Variants in PCGF2 observed in about 807,000 individuals in gnomAD.
The protein encoded by PCGF2 is polycomb group ring finger 2.
A neutral mutation model predicts 36.1 loss-of-function variants in PCGF2; 8 were observed. That is an observed-to-expected ratio of 0.22 (90% CI 0.13 to 0.40). The LOEUF is 0.40. Among genes scored for constraint, PCGF2 ranks in the 10% least tolerant of loss-of-function variants. PCGF2 has a pLI of 1.00. For missense variants in PCGF2, 436 were observed against 475.9 expected (o/e 0.92, Z 0.78); for synonymous variants, 198 against 191.2 (o/e 1.04, Z -0.29).
At position 38,739,787 on chromosome 17, in the gene PCGF2, G is replaced by T; in HGVS notation, c.113-105C>A. 1.2e-6 allele frequency: 1 copy of T among 835,742 alleles called. No individual in the cohort carries two copies. Among genetic ancestry groups the T allele is most frequent in the South Asian group, 1.4e-5 (1 of 73,278 alleles). The allele number at this position is 835,742 out of a possible 1,614,324, so 51.8% of individuals were successfully genotyped here. A position where few individuals can be genotyped will look rare whatever the true frequency, so the allele number is the denominator to read the frequency against. ...TCAGATATCCCTCCTCCTCCACCCT[G>T]TCCCTGCTCCGAGGCCCAATGTGGC... On this transcript the variant is annotated intron_variant, in intron 3 of 10. Coordinates refer to ENST00000620225, the MANE Select transcript of PCGF2 (RefSeq NM_007144.3). This position sits in a 1 kb window ranked among gnomAD's most constrained non-coding sequence, Gnocchi z 4.0.
At position 38,735,454 on chromosome 17, in the gene PCGF2, G is replaced by T. The variant is rs1311312439; in HGVS notation, c.804C>A (p.Thr268=). The change falls in exon 11 of 11, where the codon ACC becomes ACA. Residue 268 remains threonine (T), a synonymous_variant. Transcript: ENST00000620225. ...SVSDKAPSPA[T]LPATSSSLPS... ...GCAGGGAGGAGGAGGTGGCTGGCAGGGTGGCAGGGCTGGGAGCCTTGTCGC... is the reference window on the plus strand; with the variant it reads ...GCAGGGAGGAGGAGGTGGCTGGCAGTGTGGCAGGGCTGGGAGCCTTGTCGC... 1.3e-6 allele frequency: 2 copies of T among 1,588,552 alleles called. No individual in the cohort carries two copies. The highest frequency in any genetic ancestry group is 2.3e-5 in the East Asian group (1 of 43,560).
At position 38,740,360 on chromosome 17, in the gene PCGF2, G is replaced by A; in HGVS notation, c.43C>T (p.His15Tyr). ...TRIKITELNP[H>Y]LMCALCGGYF... Reference sequence around the variant, plus strand: ...CCCCCGCAGAGGGCACACATGAGGTGGGGGTTCAGCTCTGTGATTTTGATC... The same window carrying A: ...CCCCCGCAGAGGGCACACATGAGGTAGGGGTTCAGCTCTGTGATTTTGATC... Residue 15 changes from histidine (H) to tyrosine (Y), a missense_variant, in exon 3 of 11, where the codon CAC becomes TAC. This residue lies in a region of PCGF2 where 189 missense variants were observed against 219.3 expected (regional missense o/e 0.86). Coordinates refer to ENST00000620225, the MANE Select transcript of PCGF2 (RefSeq NM_007144.3). 6.2e-7 allele frequency: 1 copy of A among 1,610,764 alleles called. No homozygotes were observed. Among genetic ancestry groups the A allele is most frequent in the Admixed American group, 1.7e-5 (1 of 59,942 alleles).
chr17:38,743,033 C>A (rs1375737239), intron 2 of PCGF2, among the ~76,000 whole-genome samples: 1 of 152,052 alleles, frequency 6.6e-6, no homozygotes, highest in Non-Finnish European at 1.5e-5. Flanking sequence ...CCGCACACTT[C>A]ACATCGTGCC....
rs1907023266 is a variant in PCGF2 at position 38,739,448 on chromosome 17, G to C, written c.209+138C>G. On this transcript the variant is annotated intron_variant, in intron 4 of 10. Coordinates refer to ENST00000620225, the MANE Select transcript of PCGF2 (RefSeq NM_007144.3). The surrounding 1 kb of genome is among the most constrained non-coding windows in gnomAD (Gnocchi z 4.0). ...GTGATGAGCCAAATGTAACCCCAAG[G>C]TCGGGGAGTAGCCCAGGTCCACACC... 3 of 881,574 alleles carry C rather than the reference G, an allele frequency of 3.4e-6. No individual in the cohort carries two copies. The highest frequency in any genetic ancestry group is 5.6e-6 in the Non-Finnish European group (3 of 532,968). 54.6% of individuals were successfully genotyped at this position (881,574 alleles called of 1,614,324 possible). A position where few individuals can be genotyped will look rare whatever the true frequency, so the allele number is the denominator to read the frequency against.
chr17:38,748,687 T>G (rs1249983240), upstream of PCGF2, among the ~76,000 whole-genome samples: 2 of 151,968 alleles, frequency 1.3e-5, no homozygotes, highest in Non-Finnish European at 2.9e-5. Flanking sequence ...GTGATGCCCA[T>G]CCCTAACTGG....
chr17:38,742,415 A>G (rs920374186), intron 2 of PCGF2, among the ~76,000 whole-genome samples: 3 of 152,230 alleles, frequency 2.0e-5, no homozygotes, highest in African/African-American at 7.2e-5. Context: ...CAGACAGCCA[A>G]CAGAGGCTCA....
chr17:38,735,688 C>T lies in PCGF2; in HGVS notation c.658-88G>A, dbSNP rs548302805. On this transcript the variant is annotated intron_variant, in intron 10 of 10. Transcript: ENST00000620225. ...CTAAAGGGCCACCATCTCCACCCCA[C>T]AGTGTCCAAACTCGAAAAAAGGGAT... is the stretch of plus-strand genomic sequence containing the variant. 31 of 1,443,728 alleles carry T rather than the reference C, an allele frequency of 2.1e-5. No individual in the cohort carries two copies. The African/African-American group carries it at 4.3e-4, about 20-fold the overall frequency. The allele number at this position is 1,443,728 out of a possible 1,614,324, so 89.4% of individuals were successfully genotyped here. A position where few individuals can be genotyped will look rare whatever the true frequency, so the allele number is the denominator to read the frequency against.
At position 38,740,281 on chromosome 17, in the gene PCGF2, C is replaced by A; in HGVS notation, c.112+10G>T. The A allele has an allele frequency of 6.2e-7, 1 of 1,611,118 alleles. No homozygotes were observed. Among genetic ancestry groups the A allele is most frequent in the Non-Finnish European group, 8.5e-7 (1 of 1,177,454 alleles). On this transcript the variant is annotated intron_variant, in intron 3 of 10. Transcript: ENST00000620225. ...GCCCACCCTGAGCAGCTCCCCTCCC[C>A]CCAACTCACAGGAATGCAGGCACTC...
chr17:38,741,731 G>T (rs892236787), intron 2 of PCGF2, among the ~76,000 whole-genome samples: 1 of 152,140 alleles, frequency 6.6e-6, no homozygotes, highest in Non-Finnish European at 1.5e-5. Flanking sequence ...GAACAGAGAG[G>T]GTCCTTACAT....
chr17:38,745,204 C>T (rs548005567), intron 2 of PCGF2, among the ~76,000 whole-genome samples: 26 of 152,318 alleles, frequency 1.7e-4, no homozygotes, highest in African/African-American at 5.8e-4. Flanking sequence ...TGGTGGCACG[C>T]GCCTCTAGTC....
chr17:38,739,347 C>A lies in PCGF2; in HGVS notation c.210-94G>T. 1.7e-6 allele frequency: 2 copies of A among 1,189,124 alleles called. No individual in the cohort carries two copies. The highest frequency in any genetic ancestry group is 1.5e-5 in the African/African-American group (1 of 66,674). The allele number at this position is 1,189,124 out of a possible 1,614,324, so 73.7% of individuals were successfully genotyped here. ...CCAGCCAGGGTACCCCTCTTCCCACCCCCTTCCTGAGACCGGTGCCCAGGC... is the reference window on the plus strand; with the variant it reads ...CCAGCCAGGGTACCCCTCTTCCCACACCCTTCCTGAGACCGGTGCCCAGGC... On this transcript the variant is annotated intron_variant, in intron 4 of 10. Coordinates refer to ENST00000620225, the MANE Select transcript of PCGF2 (RefSeq NM_007144.3). This position sits in a 1 kb window ranked among gnomAD's most constrained non-coding sequence, Gnocchi z 4.0.
At chr17:38,747,568 G>A (rs995053128) in intron 2 of PCGF2, among the ~76,000 whole-genome samples, 3 of 152,030 alleles carry the variant, frequency 2.0e-5, no homozygotes, top group South Asian at 2.1e-4. Context: ...CGGGGAGGGG[G>A]CGGGGCGCCG....
intron 2 of PCGF2, among the ~76,000 whole-genome samples, chr17:38,744,675 A>C (rs1193405027): frequency 6.6e-6 from 1 of 152,006 alleles, no homozygotes; most frequent in Admixed American, 6.6e-5. Context: ...CATTTTAACC[A>C]GTGTCTTTCT....
At chr17:38,744,358 T>TC (rs1907406496) in intron 2 of PCGF2, among the ~76,000 whole-genome samples, 2 of 149,492 alleles carry the variant, frequency 1.3e-5, no homozygotes, top group Admixed American at 6.7e-5. Flanking sequence ...TCTCTCTCTC[T>TC]TTTTTTTTTC....
At chr17:38,747,531 C>T (rs1907612597) in intron 2 of PCGF2, among the ~76,000 whole-genome samples, 1 of 151,554 alleles carries the variant, frequency 6.6e-6, no homozygotes, top group Admixed American at 6.6e-5. Context: ...GAGGGGTGTT[C>T]CGGAGGGAGG....
At chr17:38,736,641 T>A (rs1272211997) in intron 9 of PCGF2, among the ~76,000 whole-genome samples, 1 of 151,996 alleles carries the variant, frequency 6.6e-6, no homozygotes, top group Non-Finnish European at 1.5e-5. Flanking sequence ...GAGACCATCC[T>A]GGCTAACGTG....
intron 2 of PCGF2, among the ~76,000 whole-genome samples, chr17:38,742,224 G>A (rs913394772): frequency 2.3e-4 from 35 of 152,114 alleles, no homozygotes; most frequent in African/African-American, 8.0e-4. Context: ...CAGAGTAAAA[G>A]CCCAGGGGTG....
At chr17:38,736,599 C>T (rs960305034) in intron 9 of PCGF2, among the ~76,000 whole-genome samples, 1 of 152,144 alleles carries the variant, frequency 6.6e-6, no homozygotes, top group Non-Finnish European at 1.5e-5. Flanking sequence ...CTTTGGGAGG[C>T]CAAGGCGGGC....
At position 38,735,313 on chromosome 17, in the gene PCGF2, C is replaced by G. The variant is rs149121439; in HGVS notation, c.945G>C (p.Gly315=). The G allele has an allele frequency of 3.3e-6, 5 of 1,533,402 alleles. No individual in the cohort carries two copies. In the Admixed American group the frequency reaches 7.6e-5, roughly 23 times the overall value. 95.0% of individuals were successfully genotyped at this position (1,533,402 alleles called of 1,614,324 possible). The change falls in exon 11 of 11, where the codon GGG becomes GGC. Residue 315 remains glycine (G), a synonymous_variant. Transcript: ENST00000620225. The part of the protein sequence containing the change: ...TASGATTAAN[G]GSLNCLQTPS... Reference sequence around the variant, plus strand: ...GTGTCTGCAGGCAGTTCAAGCTACCCCCGTTGGCAGCTGTGGTGGCCCCAC... The same window carrying G: ...GTGTCTGCAGGCAGTTCAAGCTACCGCCGTTGGCAGCTGTGGTGGCCCCAC...
Sources: gnomAD v4.1 joint callset for allele counts (sites outside exome capture counted in the v4.1 genomes callset) on GRCh38, gnomAD v4.1.1 for gene constraint, gnomAD v4.1.1 regional missense constraint, Gnocchi (gnomAD v3.1) non-coding constraint, MANE v1.5 for transcripts, NCBI Gene and HGNC (gene_info 2026-07-23, HGNC 2026-07-21) for gene names.